TENM3: variants seen among roughly 807,000 people sequenced by gnomAD.
The protein encoded by TENM3 is teneurin-3.
TENM3 carries 63 observed loss-of-function variants against 255.1 expected under a neutral mutation model. That is an observed-to-expected ratio of 0.25 (90% CI 0.20 to 0.30). The LOEUF (loss-of-function observed/expected upper bound fraction) is 0.30. Ranked by LOEUF, TENM3 falls within the 10% of genes least tolerant of loss-of-function variation. The pLI, the probability that TENM3 is intolerant of heterozygous loss-of-function variation, is 1.00. For synonymous variants in TENM3, 1,306 were observed against 1,322.3 expected (o/e 0.99, Z 0.27); for missense variants, 2,929 against 3,461.1 (o/e 0.85, Z 3.86).
chr4:181,994,058 C>A, the TENM3 span, among the ~76,000 whole-genome samples: 3 of 152,088 alleles, frequency 2.0e-5, no homozygotes, highest in African/African-American at 4.8e-5. Context: ...ATGATTTTCT[C>A]AGCTTACTTT....
At chr4:181,633,992 G>A in the TENM3 span, among the ~76,000 whole-genome samples, 9 of 152,078 alleles carry the variant, frequency 5.9e-5, no homozygotes, top group Non-Finnish European at 1.2e-4. Flanking sequence ...CCATATTTGC[G>A]GTTTGCTCTT....
the TENM3 span, among the ~76,000 whole-genome samples, chr4:181,624,050 G>A: frequency 6.6e-6 from 1 of 152,160 alleles, no homozygotes; most frequent in African/African-American, 2.4e-5. Flanking sequence ...CAAATTTGTT[G>A]GGTGTGGGAG....
intron 3 of TENM3, among the ~76,000 whole-genome samples, chr4:182,556,549 A>G (rs1187077436): frequency 6.6e-6 from 1 of 152,216 alleles, no homozygotes; most frequent in African/African-American, 2.4e-5. Flanking sequence ...TTTTCTAAAG[A>G]ATTATTTAAA....
intron 5 of TENM3, chr4:182,631,410 G>C (rs1175633812): frequency 6.6e-6 from 1 of 152,068 alleles, no homozygotes; most frequent in Middle Eastern, 3.4e-3. Context: ...ATATTTAAAG[G>C]GCTAACACAC....
chr4:181,521,479 G>C, the TENM3 span, among the ~76,000 whole-genome samples: 1 of 152,224 alleles, frequency 6.6e-6, no homozygotes, highest in Non-Finnish European at 1.5e-5. Context: ...GATGTGTAAT[G>C]AATGATCGAT....
chr4:182,785,678 A>G (rs934624181), intron 24 of TENM3, among the ~76,000 whole-genome samples: 10 of 140,534 alleles, frequency 7.1e-5, no homozygotes, highest in Admixed American at 5.2e-4. Flanking sequence ...ATTGCTCTCC[A>G]GCCTAGGTGT....
At chr4:181,582,041 C>T in the TENM3 span, among the ~76,000 whole-genome samples, 1 of 152,128 alleles carries the variant, frequency 6.6e-6, no homozygotes, top group African/African-American at 2.4e-5. Flanking sequence ...CCCCGCCTTA[C>T]ATTTACTTCT....
At chr4:181,517,280 C>G in the TENM3 span, among the ~76,000 whole-genome samples, 29 of 152,252 alleles carry the variant, frequency 1.9e-4, no homozygotes, top group African/African-American at 7.0e-4. Context: ...CATTATCTGA[C>G]TCAATTTTCA....
chr4:182,231,490 C>T (rs1471141234), intron 1 of TENM3, among the ~76,000 whole-genome samples: 2 of 152,202 alleles, frequency 1.3e-5, no homozygotes, highest in African/African-American at 4.8e-5. Context: ...GTACACTAAA[C>T]TCTCTGCCTC....
At chr4:181,722,382 T>A in the TENM3 span, among the ~76,000 whole-genome samples, 1 of 152,154 alleles carries the variant, frequency 6.6e-6, no homozygotes, top group Admixed American at 6.5e-5. Context: ...CCAGAGTATA[T>A]CCTGTGGAGT....
chr4:182,107,049 A>G, the TENM3 span, among the ~76,000 whole-genome samples: 1 of 152,074 alleles, frequency 6.6e-6, no homozygotes, highest in Non-Finnish European at 1.5e-5. Context: ...TCTAGAATAT[A>G]TTCTACTGTA....
At chr4:181,577,039 T>TTATTATATAATAATAAATTATA in the TENM3 span, among the ~76,000 whole-genome samples, 1 of 129,004 alleles carries the variant, frequency 7.8e-6, no homozygotes, top group Admixed American at 9.4e-5. Context: ...AATATATATT[T>TTATTATATAATAATAAATTATA]TATTATATAA....
intron 19 of TENM3, among the ~76,000 whole-genome samples, chr4:182,750,784 A>T (rs1762316475): frequency 6.6e-6 from 1 of 152,166 alleles, no homozygotes; most frequent in African/African-American, 2.4e-5. Context: ...TTCGTCATCA[A>T]AAGATACATG....
intron 4 of TENM3, among the ~76,000 whole-genome samples, chr4:182,602,394 C>G (rs1040089): frequency 0.69 from 105,504 of 152,130 alleles, 38,566 homozygotes; most frequent in East Asian, 0.93. Context: ...TCTGGGTGAA[C>G]AAAGTGTCTC....
chr4:181,998,595 G>A, the TENM3 span, among the ~76,000 whole-genome samples: 1 of 152,072 alleles, frequency 6.6e-6, no homozygotes, highest in Admixed American at 6.6e-5. Context: ...AATTGCAGAG[G>A]TTCTAGGGGA....
the TENM3 span, among the ~76,000 whole-genome samples, chr4:181,716,737 G>A: frequency 1.4e-4 from 22 of 152,112 alleles, no homozygotes; most frequent in Admixed American, 1.4e-3. Context: ...TCATTAGAGG[G>A]TAATCAATAT....
chr4:182,385,963 T>A (rs6834240), intron 3 of TENM3, among the ~76,000 whole-genome samples: 5,306 of 152,284 alleles, frequency 0.035, 310 homozygotes, highest in African/African-American at 0.12. Context: ...ATTTTATACC[T>A]AGGAAAAGTA....
chr4:182,356,889 C>A (rs1765586020), intron 3 of TENM3, among the ~76,000 whole-genome samples: 1 of 135,934 alleles, frequency 7.4e-6, no homozygotes, highest in Non-Finnish European at 1.5e-5. Flanking sequence ...CACAACAGTC[C>A]CCAGAGTGTG....
At chr4:181,524,215 A>G in the TENM3 span, among the ~76,000 whole-genome samples, 3 of 152,224 alleles carry the variant, frequency 2.0e-5, no homozygotes, top group African/African-American at 4.8e-5. Flanking sequence ...CACCTCCACA[A>G]ATAGAAATGT....
Sources: allele counts gnomAD v4.1 joint callset (sites outside exome capture counted in the v4.1 genomes callset), GRCh38; gene constraint gnomAD v4.1.1; transcripts MANE v1.5; gene names NCBI Gene and HGNC (gene_info 2026-07-23, HGNC 2026-07-21).